The following GABRB1 variants were observed in gnomAD, a reference collection of about 807,000 sequenced individuals.
GABRB1 encodes gamma-aminobutyric acid receptor subunit beta-1.
GABRB1 carries 17 observed loss-of-function variants against 51.6 expected under a neutral mutation model. That is an observed-to-expected ratio of 0.33 (90% CI 0.23 to 0.49). GABRB1 has a LOEUF of 0.49. Among genes scored for constraint, GABRB1 ranks in the 20% least tolerant of loss-of-function variants. The pLI, the probability that GABRB1 is intolerant of heterozygous loss-of-function variation, is 0.99. For synonymous variants in GABRB1, 247 were observed against 218.9 expected (o/e 1.13, Z -1.14); for missense variants, 410 against 600.6 (o/e 0.68, Z 3.32).
intron 4 of GABRB1, among the ~76,000 whole-genome samples, chr4:47,220,895 AG>A (rs1720742497): frequency 6.6e-6 from 1 of 152,044 alleles, no homozygotes; most frequent in South Asian, 2.1e-4. Flanking sequence ...TTTTGATCAA[AG>A]CATCGCTCTA....
At chr4:47,247,412 G>A (rs1721807839) in intron 4 of GABRB1, among the ~76,000 whole-genome samples, 1 of 152,056 alleles carries the variant, frequency 6.6e-6, no homozygotes, top group African/African-American at 2.4e-5. Flanking sequence ...ATGCTGTTTT[G>A]GTGACTATAG....
intron 3 of GABRB1, among the ~76,000 whole-genome samples, chr4:47,107,792 A>T (rs1295043202): frequency 6.6e-6 from 1 of 152,084 alleles, no homozygotes; most frequent in Non-Finnish European, 1.5e-5. Flanking sequence ...CAGCAATTCC[A>T]AATATCCACG....
intron 3 of GABRB1, among the ~76,000 whole-genome samples, chr4:47,084,856 G>A (rs987955481): frequency 5.3e-5 from 8 of 152,198 alleles, no homozygotes; most frequent in Non-Finnish European, 2.9e-5. Context: ...GTTGGCCCAT[G>A]CACTGGGTTT....
chr4:47,226,945 C>T (rs1339286524), intron 4 of GABRB1, among the ~76,000 whole-genome samples: 1 of 152,070 alleles, frequency 6.6e-6, no homozygotes, highest in African/African-American at 2.4e-5. Context: ...TGAATAATAA[C>T]CACTGTTGTC....
intron 7 of GABRB1, among the ~76,000 whole-genome samples, chr4:47,404,160 T>C (rs952325093): frequency 6.6e-6 from 1 of 152,140 alleles, no homozygotes; most frequent in Non-Finnish European, 1.5e-5. Context: ...CTAACTAAAA[T>C]TAAATCGTAT....
Position 47,037,002 on chromosome 4 carries a change from T to TTGA in GABRB1, c.240+4532_240+4534dup, listed in dbSNP as rs545187127. On this transcript the variant is annotated intron_variant, in intron 3 of 8. Transcript: ENST00000295454. ...TCTAAAGGGAAAGTTAATGCCATAA[T>TTGA]TGATGATGATGATGATAAGCAACAG... Among the ~76,000 whole-genome samples, 9 of 152,186 alleles carry TTGA rather than the reference T, an allele frequency of 5.9e-5. No homozygotes were observed. The East Asian group carries it at 1.2e-3, about 20-fold the overall frequency.
rs577056020 is a variant in GABRB1 at position 47,064,381 on chromosome 4, TC to T, written c.240+31900del. 1.4e-3 allele frequency among the ~76,000 whole-genome samples: 207 copies of T among 152,288 alleles called. 1 individual carries two copies. Among genetic ancestry groups the T allele is most frequent in the African/African-American group, 4.8e-3 (198 of 41,568 alleles). On this transcript the variant is annotated intron_variant, in intron 3 of 8. Transcript: ENST00000295454. ...CAGGTGCGGTGGCTCACGCCTGTAA[TC>T]CCAGTACTTTGGGATGCTGAGGCCG... is the stretch of plus-strand genomic sequence containing the variant.
intron 4 of GABRB1, among the ~76,000 whole-genome samples, chr4:47,163,178 A>G (rs1023316725): frequency 6.6e-6 from 1 of 152,084 alleles, no homozygotes; most frequent in African/African-American, 2.4e-5. Context: ...TATCAGTTGT[A>G]TAGTATATCA....
In GABRB1 at chr4:47,426,025, T is replaced by C. The variant is rs745503672; in HGVS notation, c.*7T>C. On this transcript the variant is annotated 3_prime_UTR_variant, in exon 9 of 9. Coordinates refer to ENST00000295454, the MANE Select transcript of GABRB1 (RefSeq NM_000812.4). ...GCTTTACTATGTACACTGAGGTCTG[T>C]TCTAATGGTTCCATTTAGACTACTT... is the stretch of plus-strand genomic sequence containing the variant. 3.6e-5 allele frequency: 55 copies of C among 1,543,550 alleles called. No homozygotes were observed. Among genetic ancestry groups the C allele is most frequent in the Non-Finnish European group, 4.7e-5 (54 of 1,142,074 alleles).
At chr4:47,164,237 A>G (rs923674924) in intron 4 of GABRB1, among the ~76,000 whole-genome samples, 1 of 152,030 alleles carries the variant, frequency 6.6e-6, no homozygotes, top group Non-Finnish European at 1.5e-5. Flanking sequence ...AAACTATATC[A>G]CCTACTAAAC....
intron 3 of GABRB1, among the ~76,000 whole-genome samples, chr4:47,071,323 C>T (rs138194799): frequency 1.7e-3 from 265 of 152,322 alleles, no homozygotes; most frequent in African/African-American, 6.1e-3. Context: ...TCTTAAGCAC[C>T]AAGTCAGATC....
At chr4:47,220,342 T>C (rs1331603165) in intron 4 of GABRB1, among the ~76,000 whole-genome samples, 1 of 152,000 alleles carries the variant, frequency 6.6e-6, no homozygotes, top group Non-Finnish European at 1.5e-5. Context: ...TTGATGTCTC[T>C]ATTCTGCATT....
At chr4:47,359,077 C>A (rs1726703025) in intron 5 of GABRB1, among the ~76,000 whole-genome samples, 1 of 152,026 alleles carries the variant, frequency 6.6e-6, no homozygotes, top group South Asian at 2.1e-4. Flanking sequence ...TACAATTTCT[C>A]GGTACTTAAA....
chr4:47,078,932 A>C (rs923522400), intron 3 of GABRB1, among the ~76,000 whole-genome samples: 1 of 152,194 alleles, frequency 6.6e-6, no homozygotes, highest in Non-Finnish European at 1.5e-5. Context: ...TCAATAAAGA[A>C]GTAGGGTCAT....
chr4:47,274,877 G>T (rs374985956), intron 4 of GABRB1, among the ~76,000 whole-genome samples: 2 of 152,096 alleles, frequency 1.3e-5, no homozygotes, highest in East Asian at 1.9e-4. Flanking sequence ...TTTCCTTGTG[G>T]ACTTAGCTCC....
intron 4 of GABRB1, among the ~76,000 whole-genome samples, chr4:47,183,213 G>A (rs1719028607): frequency 6.6e-6 from 1 of 151,220 alleles, no homozygotes; most frequent in Non-Finnish European, 1.5e-5. Flanking sequence ...AGCATTTCAG[G>A]GGTATCTGAG....
intron 4 of GABRB1, among the ~76,000 whole-genome samples, chr4:47,285,715 G>C (rs139260191): frequency 6.6e-6 from 1 of 152,194 alleles, no homozygotes; most frequent in Non-Finnish European, 1.5e-5. Context: ...TTCATCCTCA[G>C]TTTCTTCCTC....
chr4:47,031,799 T>A, intron 1 of GABRB1, 68 bp downstream of exon 1: 1 of 1,524,700 alleles, frequency 6.6e-7, no homozygotes, highest in Non-Finnish European at 9.1e-7. Context: ...TGTTTCTTTT[T>A]ACGTGTCTGC....
At chr4:47,303,990 A>G (rs1448849902) in intron 4 of GABRB1, among the ~76,000 whole-genome samples, 1 of 152,012 alleles carries the variant, frequency 6.6e-6, no homozygotes, top group Admixed American at 6.6e-5. Context: ...AAATGACAAG[A>G]CTTCCTTCTT....
Sources: allele counts gnomAD v4.1 joint callset (sites outside exome capture counted in the v4.1 genomes callset), GRCh38; gene constraint gnomAD v4.1.1; transcripts MANE v1.5; gene names NCBI Gene and HGNC (gene_info 2026-07-23, HGNC 2026-07-21).